Variants in PHKA2 observed in about 807,000 individuals in gnomAD.
PHKA2 encodes phosphorylase b kinase regulatory subunit alpha, liver isoform.
A neutral mutation model predicts 102.0 loss-of-function variants in PHKA2; 31 were observed. That is an observed-to-expected ratio of 0.30 (90% CI 0.23 to 0.41). PHKA2 has a LOEUF of 0.41. Ranked by LOEUF, PHKA2 falls within the 10% of genes least tolerant of loss-of-function variation. PHKA2 has a pLI of 1.00. For missense variants in PHKA2, 858 were observed against 1,023.1 expected (o/e 0.84, Z 2.20); for synonymous variants, 455 against 416.2 (o/e 1.09, Z -1.13).
chrX:18,924,600 C>A lies in PHKA2; in HGVS notation c.1570-75G>T, dbSNP rs989833378. 5.9e-6 allele frequency: 6 copies of A among 1,018,124 alleles called. No homozygotes were observed. The African/African-American group carries it at 1.1e-4, about 19-fold the overall frequency. 83.9% of individuals were successfully genotyped at this position (1,018,124 alleles called of 1,213,427 possible). A position where few individuals can be genotyped will look rare whatever the true frequency, so the allele number is the denominator to read the frequency against. On this transcript the variant is annotated intron_variant, in intron 15 of 32. Coordinates refer to ENST00000379942, the MANE Select transcript of PHKA2 (RefSeq NM_000292.3). ...AACACCAGCTGACAACTCAGGTCAGCACTAATCCTGGGGTTTTATTGCCAG... is the reference window on the plus strand; with the variant it reads ...AACACCAGCTGACAACTCAGGTCAGAACTAATCCTGGGGTTTTATTGCCAG...
chrX:18,934,378 G>A (rs1488726367), intron 11 of PHKA2, among the ~76,000 whole-genome samples: 3 of 111,718 alleles, frequency 2.7e-5, no homozygotes, highest in South Asian at 3.8e-4. Context: ...GAGAGAGCTT[G>A]GATGATGTGG....
At chrX:18,962,438 T>C (rs1273276182) in intron 1 of PHKA2, among the ~76,000 whole-genome samples, 1 of 111,909 alleles carries the variant, frequency 8.9e-6, no homozygotes, top group Non-Finnish European at 1.9e-5. Context: ...ACTAATTTTA[T>C]TAGCCATCAC....
intron 28 of PHKA2, among the ~76,000 whole-genome samples, chrX:18,900,304 G>A (rs1044498505): frequency 6.3e-5 from 7 of 111,222 alleles, no homozygotes; most frequent in Admixed American, 4.8e-4. Context: ...CCCCCCAGGC[G>A]ATCTGAGGAC....
chrX:18,893,213 A>G lies in PHKA2; in HGVS notation c.*272T>C. Reference sequence around the variant, plus strand: ...TTCCAATTCCTCCTCAGAGTCCGTGAGACCAGATGCTACAGCAAATGTTCC... The same window carrying G: ...TTCCAATTCCTCCTCAGAGTCCGTGGGACCAGATGCTACAGCAAATGTTCC... On this transcript the variant is annotated 3_prime_UTR_variant, in exon 33 of 33. Transcript: ENST00000379942. 1 of 404,324 alleles carries G rather than the reference A, an allele frequency of 2.5e-6. No homozygotes were observed. 33.3% of individuals were successfully genotyped at this position (404,324 alleles called of 1,213,427 possible).
rs2047471817 is a variant in PHKA2 at position 18,893,680 on chromosome X, AC to A, written c.3538-26del. On this transcript the variant is annotated intron_variant, in intron 32 of 32. Coordinates refer to ENST00000379942, the MANE Select transcript of PHKA2 (RefSeq NM_000292.3). ...CCTGCAGTAGGAAAGGGCAGAGGGG[AC>A]AATAAGCGGAGCCCCCACTCCCCGT... 7 of 1,191,539 alleles carry A rather than the reference AC, an allele frequency of 5.9e-6. No individual in the cohort carries two copies. In the East Asian group the frequency reaches 2.1e-4, roughly 35 times the overall value.
At chrX:18,966,083 T>A (rs1290556704) in intron 1 of PHKA2, among the ~76,000 whole-genome samples, 2 of 101,761 alleles carry the variant, frequency 2.0e-5, no homozygotes, top group Non-Finnish European at 3.9e-5. Context: ...GCTCTTTTGT[T>A]TTTTTTTTGT....
Position 18,929,088 on chromosome X carries a change from C to T in PHKA2, c.1324+140G>A, listed in dbSNP as rs760715995. On this transcript the variant is annotated intron_variant, in intron 13 of 32. Coordinates refer to ENST00000379942, the MANE Select transcript of PHKA2 (RefSeq NM_000292.3). ...TTGGAAGCCACTGAGTTATATAAGG[C>T]ATCTCACACAACTGCTACATGCTAA... The T allele has an allele frequency of 1.7e-5, 8 of 481,603 alleles. No homozygotes were observed. In the Admixed American group the frequency reaches 2.6e-4, roughly 16 times the overall value. The allele number at this position is 481,603 out of a possible 1,213,427, so 39.7% of individuals were successfully genotyped here. A position where few individuals can be genotyped will look rare whatever the true frequency, so the allele number is the denominator to read the frequency against.
intron 29 of PHKA2, chrX:18,897,704 C>T: frequency 4.3e-6 from 1 of 233,956 alleles, no homozygotes; most frequent in Non-Finnish European, 7.8e-6. Flanking sequence ...TCTGGCCCTG[C>T]CATGAACACT....
chrX:18,934,659 G>T (rs1426504377), intron 11 of PHKA2, among the ~76,000 whole-genome samples: 5 of 112,712 alleles, frequency 4.4e-5, no homozygotes, highest in Non-Finnish European at 7.5e-5. Context: ...TGAAAATAAG[G>T]CTCAAAGTGA....
At position 18,895,119 on chromosome X, in the gene PHKA2, T is replaced by C. The variant is rs769053706; in HGVS notation, c.3336+19A>G. On this transcript the variant is annotated intron_variant, in intron 31 of 32. Transcript: ENST00000379942. ...GTGAACCCACAGAGGGGCCCGCCTCTGCGTTTTTCTCATCGTACCTCTCGG... is the reference window on the plus strand; with the variant it reads ...GTGAACCCACAGAGGGGCCCGCCTCCGCGTTTTTCTCATCGTACCTCTCGG... 2 of 1,206,721 alleles carry C rather than the reference T, an allele frequency of 1.7e-6. No individual in the cohort carries two copies. Among genetic ancestry groups the C allele is most frequent in the Non-Finnish European group, 2.2e-6 (2 of 890,792 alleles).
In PHKA2 at chrX:18,908,683, C is replaced by T. The variant is rs138261056; in HGVS notation, c.2360+118G>A. 745 of 618,849 alleles carry T rather than the reference C, an allele frequency of 1.2e-3. 7 individuals are homozygous for T. In the East Asian group the frequency reaches 0.024, roughly 20 times the overall value. 51.0% of individuals were successfully genotyped at this position (618,849 alleles called of 1,213,427 possible). A position where few individuals can be genotyped will look rare whatever the true frequency, so the allele number is the denominator to read the frequency against. ...AAACAGGCCTTCCCAGACATCAAAT[C>T]GGCCTTGAGTTTCAACTTCCCAGCC... On this transcript the variant is annotated intron_variant, in intron 21 of 32. Coordinates refer to ENST00000379942, the MANE Select transcript of PHKA2 (RefSeq NM_000292.3).
intron 1 of PHKA2, among the ~76,000 whole-genome samples, chrX:18,973,652 C>T (rs1313714334): frequency 1.8e-5 from 2 of 112,016 alleles, no homozygotes; most frequent in Non-Finnish European, 3.8e-5. Context: ...TATCTTTTAT[C>T]TGAAACAGTT....
chrX:18,914,015 G>A (rs913323847), intron 19 of PHKA2, among the ~76,000 whole-genome samples: 3 of 112,384 alleles, frequency 2.7e-5, no homozygotes, highest in African/African-American at 9.7e-5. Context: ...CTCTAAATAC[G>A]CAAACCAGCA....
intron 1 of PHKA2, among the ~76,000 whole-genome samples, chrX:18,969,543 T>G (rs2048992556): frequency 8.9e-6 from 1 of 112,203 alleles, no homozygotes. Flanking sequence ...TTCTTCTTTT[T>G]TTTGTTTTTT....
At chrX:18,928,656 G>A (rs1043247250) in intron 13 of PHKA2, among the ~76,000 whole-genome samples, 6 of 112,472 alleles carry the variant, frequency 5.3e-5, no homozygotes, top group Non-Finnish European at 1.1e-4. Context: ...TACACCAAGC[G>A]CTTTCCCACT....
chrX:18,892,542 C>T lies in PHKA2; in HGVS notation c.*943G>A, dbSNP rs2047441692. 1 of 111,938 alleles carries T rather than the reference C, an allele frequency of 8.9e-6. No homozygotes were observed. Among genetic ancestry groups the T allele is most frequent in the African/African-American group, 3.2e-5 (1 of 30,780 alleles). The allele number at this position is 111,938 out of a possible 1,213,427, so 9.2% of individuals were successfully genotyped here. ...AAGAGGGTACAGGTTCCTAGCCTGG[C>T]TCTATTTTTCAGAGGGAAGCATTGT... On this transcript the variant is annotated 3_prime_UTR_variant, in exon 33 of 33. Transcript: ENST00000379942.
Position 18,893,110 on chromosome X carries a change from G to A in PHKA2, c.*375C>T. On this transcript the variant is annotated 3_prime_UTR_variant, in exon 33 of 33. Coordinates refer to ENST00000379942, the MANE Select transcript of PHKA2 (RefSeq NM_000292.3). ...CTTTAGGATGTGTCACTAGCTCATC[G>A]AAACTATTTCTGTAACTCTCTGCAA... 2 of 246,944 alleles carry A rather than the reference G, an allele frequency of 8.1e-6. No individual in the cohort carries two copies. The highest frequency in any genetic ancestry group is 5.5e-5 in the South Asian group (1 of 18,252). 20.4% of individuals were successfully genotyped at this position (246,944 alleles called of 1,213,427 possible). A position where few individuals can be genotyped will look rare whatever the true frequency, so the allele number is the denominator to read the frequency against.
At position 18,975,967 on chromosome X, in the gene PHKA2, CTT is replaced by C. The variant is rs200764030; in HGVS notation, c.78+7886_78+7887del. On this transcript the variant is annotated intron_variant, in intron 1 of 32. Transcript: ENST00000379942. ...TCTCACTCAGAATAAAAGTCAAATT[CTT>C]TTTTTTTTTTTTTTTTTTTTTTTGA... Among the ~76,000 whole-genome samples, 603 of 62,840 alleles carry C rather than the reference CTT, an allele frequency of 9.6e-3. 1 individual carries two copies. Among genetic ancestry groups the C allele is most frequent in the African/African-American group, 0.017 (245 of 14,391 alleles). The allele number at this position is 62,840 out of a possible 115,157, so 54.6% of individuals were successfully genotyped here.
chrX:18,935,832 T>A (rs1297021628), intron 11 of PHKA2, among the ~76,000 whole-genome samples: 1 of 106,963 alleles, frequency 9.3e-6, no homozygotes, highest in African/African-American at 3.4e-5. Context: ...GCCAGGCTGG[T>A]CTCAAACTCC....
Sources: allele counts gnomAD v4.1 joint callset (sites outside exome capture counted in the v4.1 genomes callset), GRCh38; gene constraint gnomAD v4.1.1; transcripts MANE v1.5; gene names NCBI Gene and HGNC (gene_info 2026-07-23, HGNC 2026-07-21).